GLRA2: variants seen among roughly 807,000 people sequenced by gnomAD.
GLRA2 encodes the protein glycine receptor subunit alpha-2.
Under a neutral mutation model 31.6 loss-of-function variants are expected in GLRA2, and 11 were observed. The observed-to-expected ratio is 0.35, with a 90% CI of 0.22 to 0.58. GLRA2 has a LOEUF of 0.58. GLRA2 is among the 20% of genes least tolerant of loss of function. The pLI, the probability that GLRA2 is intolerant of heterozygous loss-of-function variation, is 0.84. For missense variants in GLRA2, 212 were observed against 351.8 expected (o/e 0.60, Z 3.18); for synonymous variants, 132 against 134.0 (o/e 0.99, Z 0.10).
intron 4 of GLRA2, among the ~76,000 whole-genome samples, chrX:14,581,789 C>T (rs2090019878): frequency 9.1e-6 from 1 of 110,003 alleles, no homozygotes; most frequent in Non-Finnish European, 1.9e-5. Context: ...CACACACACA[C>T]ACACACACAC....
At chrX:14,449,017 C>T in the GLRA2 span, among the ~76,000 whole-genome samples, 1 of 112,131 alleles carries the variant, frequency 8.9e-6, no homozygotes, top group African/African-American at 3.2e-5. Context: ...GCTGAGCGTT[C>T]TTTCAGCTAT....
rs1051671708 is a variant in GLRA2, at chrX:14,613,678, T to C, written c.930+4473T>C. ...GTATTTGCAAAGATCCTGGAACCAA[T>C]CCCCTGTGGATACCAAGGGGGCAAC... On this transcript the variant is annotated intron_variant, in intron 7 of 8. Coordinates refer to ENST00000218075, the MANE Select transcript of GLRA2 (RefSeq NM_002063.4). Among the ~76,000 whole-genome samples, 6 of 111,081 alleles carry C rather than the reference T, an allele frequency of 5.4e-5. No homozygotes were observed. In the Admixed American group the frequency reaches 5.8e-4, roughly 11 times the overall value.
At chrX:14,624,051 A>C (rs1026296530) in intron 7 of GLRA2, among the ~76,000 whole-genome samples, 2 of 111,002 alleles carry the variant, frequency 1.8e-5, no homozygotes, top group African/African-American at 6.6e-5. Context: ...CAGGGATTCA[A>C]CTTCTTCCTG....
chrX:14,687,382 A>G (rs1199068338), intron 7 of GLRA2, among the ~76,000 whole-genome samples: 1 of 111,957 alleles, frequency 8.9e-6, no homozygotes, highest in African/African-American at 3.3e-5. Context: ...TTTCCTGGAT[A>G]ATATCCTGAA....
chrX:14,629,966 A>G (rs922359227), intron 7 of GLRA2, among the ~76,000 whole-genome samples: 37 of 111,799 alleles, frequency 3.3e-4, no homozygotes, highest in African/African-American at 1.2e-3. Flanking sequence ...TAAACAGCCA[A>G]TTATCTTTTA....
chrX:14,556,538 A>G (rs1434095378), intron 2 of GLRA2, among the ~76,000 whole-genome samples: 1 of 112,104 alleles, frequency 8.9e-6, no homozygotes, highest in Non-Finnish European at 1.9e-5. Flanking sequence ...AAATAGAAAT[A>G]TATGTAAATT....
At chrX:14,573,115 G>T (rs1490816655) in intron 2 of GLRA2, among the ~76,000 whole-genome samples, 2 of 111,868 alleles carry the variant, frequency 1.8e-5, no homozygotes, top group African/African-American at 6.5e-5. Flanking sequence ...ATTAAAAATA[G>T]AAAAATTAGT....
At chrX:14,668,239 G>C (rs1367375531) in intron 7 of GLRA2, among the ~76,000 whole-genome samples, 3 of 112,278 alleles carry the variant, frequency 2.7e-5, no homozygotes, top group Non-Finnish European at 5.6e-5. Context: ...GAGAGTGCCA[G>C]CACGAAAGAA....
intron 7 of GLRA2, among the ~76,000 whole-genome samples, chrX:14,655,677 G>A (rs1195530746): frequency 9.0e-6 from 1 of 111,510 alleles, no homozygotes; most frequent in Non-Finnish European, 1.9e-5. Context: ...CCAGAAGGAT[G>A]TTTCTACAGC....
chrX:14,629,863 A>G (rs765723233), intron 7 of GLRA2, among the ~76,000 whole-genome samples: 1 of 111,261 alleles, frequency 9.0e-6, no homozygotes, highest in South Asian at 3.7e-4. Context: ...GCAAACTTCT[A>G]TTTCTTCTCC....
chrX:14,696,432 C>T (rs1288589572), intron 8 of GLRA2, among the ~76,000 whole-genome samples: 1 of 111,443 alleles, frequency 9.0e-6, no homozygotes, highest in East Asian at 2.8e-4. Context: ...GCATGTGTGA[C>T]TAAGGTTGGG....
At chrX:14,502,163 G>T in the GLRA2 span, among the ~76,000 whole-genome samples, 1 of 111,846 alleles carries the variant, frequency 8.9e-6, no homozygotes, top group Admixed American at 9.5e-5. Context: ...TGGCTGCCTG[G>T]ATCAAACATA....
chrX:14,505,687 T>A, the GLRA2 span, among the ~76,000 whole-genome samples: 1 of 111,840 alleles, frequency 8.9e-6, no homozygotes, highest in Non-Finnish European at 1.9e-5. Context: ...GGCAATGACT[T>A]TAAATCTTTT....
intron 4 of GLRA2, among the ~76,000 whole-genome samples, chrX:14,591,874 A>G (rs1342560704): frequency 2.7e-5 from 3 of 111,850 alleles, no homozygotes; most frequent in African/African-American, 9.8e-5. Context: ...AGGTAACCTT[A>G]CATTTCATTA....
chrX:14,487,663 C>T, the GLRA2 span, among the ~76,000 whole-genome samples: 2 of 111,679 alleles, frequency 1.8e-5, no homozygotes, highest in Admixed American at 1.9e-4. Context: ...AGAATTTAAT[C>T]TGCTAAAATA....
At chrX:14,478,609 A>G in the GLRA2 span, among the ~76,000 whole-genome samples, 1 of 112,328 alleles carries the variant, frequency 8.9e-6, no homozygotes, top group African/African-American at 3.2e-5. Flanking sequence ...AAGTATTATA[A>G]TAAGCCCTGG....
intron 7 of GLRA2, among the ~76,000 whole-genome samples, chrX:14,624,673 C>A (rs1053443059): frequency 2.7e-5 from 3 of 112,046 alleles, no homozygotes; most frequent in African/African-American, 9.7e-5. Flanking sequence ...GAGTGAGTTT[C>A]TTTATCCTGA....
At chrX:14,642,415 C>T (rs979334635) in intron 7 of GLRA2, among the ~76,000 whole-genome samples, 22 of 112,080 alleles carry the variant, frequency 2.0e-4, no homozygotes, top group African/African-American at 7.1e-4. Context: ...ATTATTCAGT[C>T]ACCCAGCTCC....
chrX:14,514,456 A>G, the GLRA2 span, among the ~76,000 whole-genome samples: 1 of 111,586 alleles, frequency 9.0e-6, no homozygotes, highest in African/African-American at 3.3e-5. Context: ...AAGGCACAAA[A>G]AAGAAAAAGG....
Sources: allele counts gnomAD v4.1 joint callset (sites outside exome capture counted in the v4.1 genomes callset), GRCh38; gene constraint gnomAD v4.1.1; transcripts MANE v1.5; gene names NCBI Gene and HGNC (gene_info 2026-07-23, HGNC 2026-07-21).